FAT2: variants seen among roughly 807,000 people sequenced by gnomAD.
FAT2 encodes FAT atypical cadherin 2.
A neutral mutation model predicts 295.3 loss-of-function variants in FAT2; 150 were observed. The observed-to-expected ratio is 0.51, with a 90% CI of 0.44 to 0.58. FAT2 has a LOEUF of 0.58. Among genes scored for constraint, FAT2 ranks in the 20% least tolerant of loss-of-function variants. The probability of loss-of-function intolerance (pLI) is 0.00; values close to 1 mark genes in which losing one functional copy is unlikely to be tolerated. For synonymous variants in FAT2, 2,026 were observed against 2,150.3 expected (o/e 0.94, Z 1.60); for missense variants, 4,868 against 5,442.7 (o/e 0.89, Z 3.32).
chr5:151,540,152 T>C (rs2127601428), intron 11 of FAT2, among the ~76,000 whole-genome samples: 1 of 152,322 alleles, frequency 6.6e-6, no homozygotes, highest in African/African-American at 2.4e-5. Flanking sequence ...TGCAGAGAAA[T>C]AGACCTTTGT....
At position 151,507,366 on chromosome 5, in the gene FAT2, T is replaced by TC; in HGVS notation, c.12304dup (p.Glu4102GlyfsTer26). The stretch of plus-strand genomic sequence containing the variant: ...GGAGCTGGCACTCAATGGGTTGAGC[T>TC]CGATGGCAGGCATGGCTTGGGTGTC... On this transcript the variant is annotated frameshift_variant, in exon 23 of 24. Coordinates refer to ENST00000261800, the MANE Select transcript of FAT2 (RefSeq NM_001447.3). LOFTEE classifies it high-confidence loss of function. 1.2e-6 allele frequency: 2 copies of TC among 1,614,206 alleles called. No homozygotes were observed. Among genetic ancestry groups the TC allele is most frequent in the Non-Finnish European group, 1.7e-6 (2 of 1,180,040 alleles).
In FAT2 at chr5:151,545,521, G is replaced by A. The variant is rs755475543; in HGVS notation, c.5606C>T (p.Pro1869Leu). Reference protein sequence around the residue: ...IIHVRDVNDSPPRFSEQIYEV... With the variant: ...IIHVRDVNDSLPRFSEQIYEV... Reference sequence around the variant, plus strand: ...ATATATCTGTTCTGAGAATCTGGGAGGGGAATCATTCACATCTCTGACATG... The same window carrying A: ...ATATATCTGTTCTGAGAATCTGGGAAGGGAATCATTCACATCTCTGACATG... Residue 1869 changes from proline to leucine, a missense_variant, in exon 10 of 24, where the codon CCT becomes CTT. Transcript: ENST00000261800. 7.4e-6 allele frequency: 12 copies of A among 1,614,064 alleles called. No homozygotes were observed. The South Asian group carries it at 7.7e-5, about 10-fold the overall frequency.
chr5:151,590,937 C>G (rs1300118807), intron 1 of FAT2, among the ~76,000 whole-genome samples: 1 of 152,206 alleles, frequency 6.6e-6, no homozygotes, highest in African/African-American at 2.4e-5. Flanking sequence ...TTGCTGGGCC[C>G]CGATCCCCAG....
chr5:151,572,746 TG>T (rs1758580957), intron 1 of FAT2, among the ~76,000 whole-genome samples: 1 of 152,236 alleles, frequency 6.6e-6, no homozygotes, highest in Admixed American at 6.5e-5. Flanking sequence ...AATCAAAGCC[TG>T]GGCTGGGTTG....
At chr5:151,592,018 G>T (rs763923438), upstream of FAT2, among the ~76,000 whole-genome samples, 1 of 152,188 alleles carries the variant, frequency 6.6e-6, no homozygotes, top group Non-Finnish European at 1.5e-5. Flanking sequence ...GAGGTAACAA[G>T]AATACCTGCT....
At chr5:151,560,787 G>C (rs1333827206) in intron 3 of FAT2, among the ~76,000 whole-genome samples, 3 of 152,194 alleles carry the variant, frequency 2.0e-5, no homozygotes, top group Non-Finnish European at 4.4e-5. Flanking sequence ...GCCTAGTAAG[G>C]TCAGACACCT....
At chr5:151,573,645 T>G (rs1055052527) in intron 1 of FAT2, among the ~76,000 whole-genome samples, 1 of 152,142 alleles carries the variant, frequency 6.6e-6, no homozygotes, top group Non-Finnish European at 1.5e-5. Flanking sequence ...AGAGCAGGAC[T>G]CCATCTCAAA....
intron 20 of FAT2, among the ~76,000 whole-genome samples, chr5:151,514,088 T>G (rs776761657): frequency 7.9e-5 from 12 of 152,236 alleles, no homozygotes; most frequent in Non-Finnish European, 1.3e-4. Context: ...TCTAACCCAG[T>G]GTTTCTTATA....
Position 151,567,267 on chromosome 5 carries a change from C to T in FAT2, c.1665G>A (p.Arg555=), listed in dbSNP as rs763272229. The change falls in exon 2 of 24, where the codon AGG becomes AGA. Residue 555 remains arginine (R), a synonymous_variant. Coordinates refer to ENST00000261800, the MANE Select transcript of FAT2 (RefSeq NM_001447.3). Reference sequence around the variant, plus strand: ...ACATAGGCTGGTTGTCATTCAAGTTCCTGAGCTGAAGAAAAATGGACACTT... The same window carrying T: ...ACATAGGCTGGTTGTCATTCAAGTTTCTGAGCTGAAGAAAAATGGACACTT... The part of the protein sequence containing the change: ...EKEVSIFLQL[R]NLNDNQPMFE... 1 of 1,614,096 alleles carries T rather than the reference C, an allele frequency of 6.2e-7. No individual in the cohort carries two copies. The highest frequency in any genetic ancestry group is 1.1e-5 in the South Asian group (1 of 91,058).
In FAT2 at chr5:151,507,544, C is replaced by G. The variant is rs775632768; in HGVS notation, c.12127G>C (p.Asp4043His). The G allele has an allele frequency of 4.3e-6, 7 of 1,614,030 alleles. No individual in the cohort carries two copies. Among genetic ancestry groups the G allele is most frequent in the Admixed American group, 1.7e-5 (1 of 60,014 alleles). ...CLVTPEIQRG[D>H]WGQQELLIIT... The stretch of plus-strand genomic sequence containing the variant: ...ATCAGTAACTCCTGCTGCCCCCAGT[C>G]CCCCCTTTGGATCTCGGGAGTGACT... The change falls in exon 23 of 24, where the codon GAC (aspartate) becomes CAC (histidine). Residue 4043 changes from aspartate to histidine, a missense_variant. By Grantham distance (81) the Asp-to-His change is moderately conservative. Transcript: ENST00000261800.
rs1384482503 is a variant in FAT2 at position 151,525,794 on chromosome 5, G to A, written c.10480C>T (p.Gln3494Ter). Reference sequence around the variant, plus strand: ...TGGATCTGAAGCTGATACCATTCCTGAGCCCTCCTGCTTAGGCCCTCAGCA... The same window carrying A: ...TGGATCTGAAGCTGATACCATTCCTAAGCCCTCCTGCTTAGGCCCTCAGCA... ...VTAEGLSRRA[Q>*]EWYQLQIQAS... The change falls in exon 18 of 24, where the codon CAG (glutamine) becomes TAG (stop). Residue 3494 changes from glutamine to a stop codon, truncating the protein, a stop_gained. Coordinates refer to ENST00000261800, the MANE Select transcript of FAT2 (RefSeq NM_001447.3). LOFTEE classifies it high-confidence loss of function. 1 of 1,614,148 alleles carries A rather than the reference G, an allele frequency of 6.2e-7. No homozygotes were observed. Among genetic ancestry groups the A allele is most frequent in the Non-Finnish European group, 8.5e-7 (1 of 1,180,042 alleles).
intron 3 of FAT2, among the ~76,000 whole-genome samples, chr5:151,562,442 C>A (rs1412117607): frequency 6.6e-6 from 1 of 152,166 alleles, no homozygotes; most frequent in East Asian, 1.9e-4. Flanking sequence ...AGCTCTCACA[C>A]TGCAGCACCA....
chr5:151,574,572 T>C (rs1025681418), intron 1 of FAT2, among the ~76,000 whole-genome samples: 12 of 152,190 alleles, frequency 7.9e-5, no homozygotes, highest in African/African-American at 2.9e-4. Flanking sequence ...TAGGGAGTGA[T>C]TGATGGTTTT....
Position 151,546,057 on chromosome 5 carries a change from A to G in FAT2, c.5070T>C (p.Val1690=). The change falls in exon 10 of 24, where the codon GTT becomes GTC. Residue 1690 remains valine, a synonymous_variant. Coordinates refer to ENST00000261800, the MANE Select transcript of FAT2 (RefSeq NM_001447.3). The stretch of plus-strand genomic sequence containing the variant: ...TATTTCCCTCTCTTAACTCATAGGT[A>G]ACTTCAGAGGGGCTCATAGCAGAGA... ...LLVSAMSPSE[V]TYELREGNKD... The G allele has an allele frequency of 1.9e-6, 3 of 1,614,224 alleles. No individual in the cohort carries two copies. The highest frequency in any genetic ancestry group is 2.2e-5 in the South Asian group (2 of 91,076).
At position 151,546,349 on chromosome 5, in the gene FAT2, G is replaced by GACAAGAC; in HGVS notation, c.4790-19_4790-13dup. 1.2e-6 allele frequency: 2 copies of GACAAGAC among 1,601,714 alleles called. No individual in the cohort carries two copies. The highest frequency in any genetic ancestry group is 2.7e-5 in the African/African-American group (2 of 74,766). On this transcript the variant is annotated splice_polypyrimidine_tract_variant and intron_variant, in intron 9 of 23. Transcript: ENST00000261800. ...ACCTTCGCTGTTCCCTGAAACAGAAGACAAGACAAACAAGTTTGCCACACC... is the reference window on the plus strand; with the variant it reads ...ACCTTCGCTGTTCCCTGAAACAGAAGACAAGACACAAGACAAACAAGTTTGCCACACC...
chr5:151,537,942 A>AGAAGCTAGAGATG lies in FAT2; in HGVS notation c.9040-9_9043dup (p.Leu3015ProfsTer12), dbSNP rs1406491892. On this transcript the variant is annotated frameshift_variant, in exon 12 of 24. Coordinates refer to ENST00000261800, the MANE Select transcript of FAT2 (RefSeq NM_001447.3). LOFTEE classifies it high-confidence loss of function. ...ATCTTCATGAACCTTGCCAGTATAG[A>AGAAGCTAGAGATG]GAAGCTAGAGATGGAAAGACAAAGA... 2 of 1,613,686 alleles carry AGAAGCTAGAGATG rather than the reference A, an allele frequency of 1.2e-6. No homozygotes were observed. The highest frequency in any genetic ancestry group is 1.3e-5 in the African/African-American group (1 of 74,912).
intron 1 of FAT2, among the ~76,000 whole-genome samples, chr5:151,572,616 A>G (rs2127653797): frequency 6.6e-6 from 1 of 152,316 alleles, no homozygotes; most frequent in Non-Finnish European, 1.5e-5. Context: ...TACTGCATTC[A>G]TATTCATAGG....
Position 151,512,137 on chromosome 5 carries a change from G to T in FAT2, c.11905+28C>A, listed in dbSNP as rs1183522022. 4 of 1,596,376 alleles carry T rather than the reference G, an allele frequency of 2.5e-6. No individual in the cohort carries two copies. The South Asian group carries it at 4.5e-5, about 18-fold the overall frequency. The stretch of plus-strand genomic sequence containing the variant: ...TGAAGAGCCTTCTGGGATAAACCCT[G>T]GGTTCAGCCTGGCACCCCAGCCCTC... On this transcript the variant is annotated intron_variant, in intron 21 of 23. Transcript: ENST00000261800. The surrounding 1 kb of genome is among the most constrained non-coding windows in gnomAD (Gnocchi z 4.1).
Position 151,543,791 on chromosome 5 carries a change from G to A in FAT2, c.7336C>T (p.Leu2446=), listed in dbSNP as rs779981929. The A allele has an allele frequency of 6.2e-7, 1 of 1,614,176 alleles. No homozygotes were observed. The highest frequency in any genetic ancestry group is 1.1e-5 in the South Asian group (1 of 91,082). Residue 2446 remains leucine, a synonymous_variant, in exon 10 of 24, where the codon CTG becomes TTG. Coordinates refer to ENST00000261800, the MANE Select transcript of FAT2 (RefSeq NM_001447.3). ...ACCCTCAAATTGTAAGAAGAGTCCA[G>A]GTGCTTTTTGCAAAGGTTGAACATA... ...ISMFNLCKKH[L]DSSYNLRVGA...
Sources: gnomAD v4.1 joint callset for allele counts (sites outside exome capture counted in the v4.1 genomes callset) on GRCh38, gnomAD v4.1.1 for gene constraint, Gnocchi (gnomAD v3.1) non-coding constraint, MANE v1.5 for transcripts, NCBI Gene and HGNC (gene_info 2026-07-23, HGNC 2026-07-21) for gene names.